The following MGAT4C variants were observed in gnomAD, a reference collection of about 807,000 sequenced individuals.
The protein encoded by MGAT4C is MGAT4 family member C, also known as alpha-1,3-mannosyl-glycoprotein 4-beta-N-acetylglucosaminyltransferase C.
A neutral mutation model predicts 40.1 loss-of-function variants in MGAT4C; 19 were observed. The observed-to-expected ratio is 0.47, with a 90% CI of 0.33 to 0.70. MGAT4C has a LOEUF of 0.70. MGAT4C is among the 30% of genes least tolerant of loss of function. The pLI is 0.02. For missense variants in MGAT4C, 491 were observed against 563.2 expected (o/e 0.87, Z 1.30); for synonymous variants, 181 against 187.1 (o/e 0.97, Z 0.27).
At chr12:86,810,279 T>A (rs775073092) in intron 1 of MGAT4C, among the ~76,000 whole-genome samples, 23 of 151,950 alleles carry the variant, frequency 1.5e-4, no homozygotes, top group Non-Finnish European at 2.1e-4. Context: ...AATCATGTAG[T>A]CTACAAATGG....
At chr12:86,357,353 A>C (rs1566317404) in intron 3 of MGAT4C, among the ~76,000 whole-genome samples, 1 of 152,186 alleles carries the variant, frequency 6.6e-6, no homozygotes, top group Non-Finnish European at 1.5e-5. Context: ...AAGGTAGATA[A>C]CACCACAAAA....
At chr12:86,684,858 C>A (rs1224581160) in intron 2 of MGAT4C, among the ~76,000 whole-genome samples, 2 of 151,416 alleles carry the variant, frequency 1.3e-5, no homozygotes, top group African/African-American at 4.9e-5. Flanking sequence ...CTGTTCATAT[C>A]ATTCACCAAC....
At chr12:86,076,508 G>T (rs964171786) in intron 1 of MGAT4C, among the ~76,000 whole-genome samples, 2 of 152,060 alleles carry the variant, frequency 1.3e-5, no homozygotes, top group Non-Finnish European at 2.9e-5. Context: ...GTATTAGTTT[G>T]TTTCATGCTG....
rs140080618 is a variant in MGAT4C, at chr12:86,701,313, G to T, written c.-229+25896C>A. On this transcript the variant is annotated intron_variant, in intron 2 of 7. Coordinates refer to the MGAT4C transcript ENST00000548651. ...TGATGCCGTTTTTCCAACAGCATGT[G>T]CTCACTTTATGTCTCTGTCACATTT... Among the ~76,000 whole-genome samples, 768 of 151,778 alleles carry T rather than the reference G, an allele frequency of 5.1e-3. 7 individuals carry two copies. The highest frequency in any genetic ancestry group is 8.0e-3 in the Non-Finnish European group (544 of 67,902).
chr12:86,260,148 T>A (rs988010763), upstream of MGAT4C, among the ~76,000 whole-genome samples: 1 of 152,134 alleles, frequency 6.6e-6, no homozygotes, highest in Non-Finnish European at 1.5e-5. Flanking sequence ...AAAATTTATA[T>A]CAAATACTTA....
intron 1 of MGAT4C, among the ~76,000 whole-genome samples, chr12:86,253,248 T>C (rs1296665836): frequency 6.6e-5 from 10 of 151,860 alleles, no homozygotes; most frequent in Non-Finnish European, 1.5e-5. Flanking sequence ...TGTTCAGTTA[T>C]AAATGCCAAG....
chr12:86,527,218 T>C (rs1958899898), intron 2 of MGAT4C, among the ~76,000 whole-genome samples: 1 of 152,226 alleles, frequency 6.6e-6, no homozygotes, highest in Non-Finnish European at 1.5e-5. Flanking sequence ...TTTCATTCCT[T>C]TGCATATAAT....
intron 1 of MGAT4C, among the ~76,000 whole-genome samples, chr12:86,129,145 A>G (rs1378798942): frequency 6.6e-6 from 1 of 151,278 alleles, no homozygotes; most frequent in Non-Finnish European, 1.5e-5. Flanking sequence ...TTAATTATTT[A>G]GGTGCACTGA....
At position 86,773,469 on chromosome 12, in the gene MGAT4C, C is replaced by T. The variant is rs1311840189; in HGVS notation, c.-261-46228G>A. Among the ~76,000 whole-genome samples the T allele has an allele frequency of 3.9e-5, 6 of 152,110 alleles. No homozygotes were observed. The East Asian group carries it at 1.2e-3, about 29-fold the overall frequency. On this transcript the variant is annotated intron_variant, in intron 1 of 7. Coordinates refer to the MGAT4C transcript ENST00000548651. Reference sequence around the variant, plus strand: ...CTTTTAAAGCCACTGGTCTGGGATACTTTGTTATGGCAACCCTAGCAAACT... The same window carrying T: ...CTTTTAAAGCCACTGGTCTGGGATATTTTGTTATGGCAACCCTAGCAAACT...
intron 2 of MGAT4C, among the ~76,000 whole-genome samples, chr12:86,721,614 A>G (rs1189884182): frequency 1.3e-5 from 2 of 152,126 alleles, no homozygotes; most frequent in Non-Finnish European, 2.9e-5. Flanking sequence ...TCTGCCTTAC[A>G]TTACAAAGTC....
chr12:86,111,132 G>A (rs1054203485), intron 1 of MGAT4C, among the ~76,000 whole-genome samples: 8 of 151,664 alleles, frequency 5.3e-5, no homozygotes, highest in African/African-American at 1.5e-4. Flanking sequence ...ATTTTAGGGA[G>A]ACTAATTTTC....
chr12:86,629,054 A>G (rs1962927086), intron 2 of MGAT4C, among the ~76,000 whole-genome samples: 1 of 152,142 alleles, frequency 6.6e-6, no homozygotes, highest in African/African-American at 2.4e-5. Context: ...AAAGGGATGG[A>G]GGAAGATCTA....
At chr12:86,351,517 A>G (rs1955161906) in intron 3 of MGAT4C, among the ~76,000 whole-genome samples, 1 of 152,078 alleles carries the variant, frequency 6.6e-6, no homozygotes, top group Non-Finnish European at 1.5e-5. Flanking sequence ...TAATCCTATT[A>G]TCCTAACATA....
At chr12:86,762,277 C>T (rs1381637051) in intron 1 of MGAT4C, among the ~76,000 whole-genome samples, 1 of 152,040 alleles carries the variant, frequency 6.6e-6, no homozygotes, top group Admixed American at 6.6e-5. Flanking sequence ...TCTCATACTC[C>T]TGAACTCAAG....
chr12:86,626,370 A>G (rs376458129), intron 2 of MGAT4C, among the ~76,000 whole-genome samples: 2 of 152,318 alleles, frequency 1.3e-5, no homozygotes, highest in East Asian at 1.9e-4. Context: ...TTTCTGGATA[A>G]AATAATTATA....
intron 2 of MGAT4C, among the ~76,000 whole-genome samples, chr12:86,649,974 T>A (rs753007283): frequency 1.2e-4 from 18 of 151,872 alleles, no homozygotes; most frequent in Non-Finnish European, 2.7e-4. Flanking sequence ...CCTCCTGCAA[T>A]GCACCATCAG....
chr12:86,377,411 A>T (rs1035871884), intron 3 of MGAT4C, among the ~76,000 whole-genome samples: 7 of 152,144 alleles, frequency 4.6e-5, no homozygotes, highest in Non-Finnish European at 8.8e-5. Context: ...CTATTATTTT[A>T]AAATGAAATG....
At chr12:86,481,759 G>T (rs766202478) in intron 2 of MGAT4C, among the ~76,000 whole-genome samples, 1 of 151,654 alleles carries the variant, frequency 6.6e-6, no homozygotes, top group African/African-American at 2.4e-5. Flanking sequence ...AACATGGTAC[G>T]TATAAATAAT....
intron 1 of MGAT4C, among the ~76,000 whole-genome samples, chr12:86,773,048 C>G (rs1044980547): frequency 2.6e-5 from 4 of 152,122 alleles, no homozygotes; most frequent in African/African-American, 9.7e-5. Flanking sequence ...GCATGACATG[C>G]TGTGGGCTGG....
Sources: allele counts gnomAD v4.1 joint callset (sites outside exome capture counted in the v4.1 genomes callset), GRCh38; gene constraint gnomAD v4.1.1; transcripts MANE v1.5; gene names NCBI Gene and HGNC (gene_info 2026-07-23, HGNC 2026-07-21).